Variants in ARHGEF4 observed in about 807,000 individuals in gnomAD.
ARHGEF4 encodes the protein APC-stimulated guanine nucleotide exchange factor 1.
Under a neutral mutation model 162.0 loss-of-function variants are expected in ARHGEF4, and 119 were observed. The observed-to-expected ratio is 0.73, with a 90% confidence interval of 0.63 to 0.86. The LOEUF (loss-of-function observed/expected upper bound fraction) is 0.86. ARHGEF4 is among the 40% of genes least tolerant of loss of function. The probability of loss-of-function intolerance (pLI) is 0.00; values close to 1 mark genes in which losing one functional copy is unlikely to be tolerated. For synonymous variants in ARHGEF4, 1,014 were observed against 979.9 expected, an observed-to-expected ratio of 1.03 and a Z score of -0.65; for missense variants, 2,488 against 2,456.0, an observed-to-expected ratio of 1.01 and a Z score of -0.28.
intron 1 of ARHGEF4, among the ~76,000 whole-genome samples, chr2:130,913,353 T>A (rs892288913): frequency 6.6e-6 from 1 of 152,216 alleles, no homozygotes; most frequent in Non-Finnish European, 1.5e-5. Context: ...TGCTTGAAAA[T>A]GTATATCTCA....
Position 130,916,936 on chromosome 2 carries a change from G to A in ARHGEF4, c.2990G>A (p.Gly997Asp), listed in dbSNP as rs1459507235. The A allele has an allele frequency of 1.3e-6, 2 of 1,550,704 alleles. No individual in the cohort carries two copies. The highest frequency in any genetic ancestry group is 1.7e-6 in the Non-Finnish European group (2 of 1,147,044). Residue 997 changes from glycine (G) to aspartate (D), a missense_variant, in exon 2 of 14, where the codon GGC (glycine) becomes GAC (aspartate). Transcript: ENST00000409359. ...HCEERAEDKE[G>D]YVFSDHWAPP... is the part of the protein sequence containing the mutation. Reference sequence around the variant, plus strand: ...GAGGAACGGGCGGAGGACAAAGAGGGCTATGTTTTTAGCGATCACTGGGCA... The same window carrying A: ...GAGGAACGGGCGGAGGACAAAGAGGACTATGTTTTTAGCGATCACTGGGCA...
intron 1 of ARHGEF4, among the ~76,000 whole-genome samples, chr2:130,903,964 G>A (rs1680665463): frequency 6.6e-6 from 1 of 152,136 alleles, no homozygotes; most frequent in Non-Finnish European, 1.5e-5. Context: ...CTTTGCTATT[G>A]TGAATAGCAC....
chr2:130,916,090 G>A lies in ARHGEF4; in HGVS notation c.2144G>A (p.Arg715Lys). 6.5e-7 allele frequency: 1 copy of A among 1,550,260 alleles called. No homozygotes were observed. Among genetic ancestry groups the A allele is most frequent in the Non-Finnish European group, 8.7e-7 (1 of 1,146,966 alleles). Residue 715 changes from arginine to lysine, a missense_variant, in exon 2 of 14, where the codon AGA becomes AAA. Around this residue, in one of 6 missense-constraint regions of ARHGEF4, gnomAD observed 1,642 missense variants for 1,481.5 expected, o/e 1.11. Coordinates refer to ENST00000409359, the MANE Select transcript of ARHGEF4 (RefSeq NM_001367493.1). The part of the protein sequence containing the change: ...QRVAQAAELG[R>K]VLVPQAASEE... The stretch of plus-strand genomic sequence containing the variant: ...GTGGCCCAGGCCGCAGAGCTTGGGA[G>A]AGTGCTGGTCCCCCAAGCTGCTTCG...
chr2:131,011,726 C>A, intron 4 of ARHGEF4: 1 of 1,338,126 alleles, frequency 7.5e-7, no homozygotes, highest in Non-Finnish European at 1.0e-6. Context: ...GCTTTGGATG[C>A]TGTGGTAAGG....
At chr2:131,000,168 T>TTTAGTGC (rs1687675617) in intron 4 of ARHGEF4, among the ~76,000 whole-genome samples, 1 of 152,262 alleles carries the variant, frequency 6.6e-6, no homozygotes, top group African/African-American at 2.4e-5. Flanking sequence ...AGGATTAAAC[T>TTTAGTGC]TTTTAAAGTG....
chr2:130,884,840 AACAGTGATGATT>A (rs1349682996), intron 1 of ARHGEF4, among the ~76,000 whole-genome samples: 7 of 152,048 alleles, frequency 4.6e-5, no homozygotes, highest in African/African-American at 1.7e-4. Flanking sequence ...TACGCCATAG[AACAGTGATGATT>A]ACAAGCTGAG....
chr2:130,841,682 T>C lies in ARHGEF4; in HGVS notation c.39+4690T>C, dbSNP rs147951260. On this transcript the variant is annotated intron_variant, in intron 1 of 13. Coordinates refer to ENST00000409359, the MANE Select transcript of ARHGEF4 (RefSeq NM_001367493.1). Reference sequence around the variant, plus strand: ...TCCAAGCTGTTGGTGTTCTCCTTCCTAAATGTTTCTTGGTGCTTCCGGCTG... The same window carrying C: ...TCCAAGCTGTTGGTGTTCTCCTTCCCAAATGTTTCTTGGTGCTTCCGGCTG... Among the ~76,000 whole-genome samples, 482 of 152,342 alleles carry C rather than the reference T, an allele frequency of 3.2e-3. 1 individual carries two copies. Among genetic ancestry groups the C allele is most frequent in the Non-Finnish European group, 4.9e-3 (333 of 68,036 alleles).
At chr2:130,908,859 T>G (rs1327611046) in intron 1 of ARHGEF4, among the ~76,000 whole-genome samples, 1 of 152,102 alleles carries the variant, frequency 6.6e-6, no homozygotes. Flanking sequence ...AATCCAGTTT[T>G]TAAACATGGG....
chr2:131,035,197 T>C (rs1011576518), intron 5 of ARHGEF4: 1 of 1,223,362 alleles, frequency 8.2e-7, no homozygotes, highest in Non-Finnish European at 1.0e-6. Context: ...CGTGGTGGTC[T>C]CCGCCGTGCT....
intron 1 of ARHGEF4, among the ~76,000 whole-genome samples, chr2:130,850,025 T>C (rs1681289946): frequency 6.6e-6 from 1 of 151,754 alleles, no homozygotes; most frequent in Non-Finnish European, 1.5e-5. Flanking sequence ...TAACTGCACA[T>C]GTGGTCTGGG....
At chr2:130,846,426 G>A (rs1008118742) in intron 1 of ARHGEF4, among the ~76,000 whole-genome samples, 34 of 152,148 alleles carry the variant, frequency 2.2e-4, no homozygotes, top group South Asian at 2.1e-4. Context: ...TCCCTGCCCC[G>A]CTTGGCTGTG....
intron 1 of ARHGEF4, among the ~76,000 whole-genome samples, chr2:130,849,040 G>C (rs931330654): frequency 6.6e-6 from 1 of 152,150 alleles, no homozygotes; most frequent in Admixed American, 6.5e-5. Context: ...GAGGACAGCT[G>C]TGGGGACTCC....
intron 4 of ARHGEF4, among the ~76,000 whole-genome samples, chr2:130,986,628 G>C (rs1021619064): frequency 1.3e-5 from 2 of 152,192 alleles, no homozygotes; most frequent in African/African-American, 4.8e-5. Context: ...GGCAGCCAGG[G>C]TGACCACCGG....
In ARHGEF4 at chr2:130,845,335, G is replaced by A. The variant is rs543487360; in HGVS notation, c.39+8343G>A. ...AGCCTGGGCAACATAGGGAGACCCC[G>A]TCTCTACAAAAATGTTTTTAAAAAA... On this transcript the variant is annotated intron_variant, in intron 1 of 13. Coordinates refer to ENST00000409359, the MANE Select transcript of ARHGEF4 (RefSeq NM_001367493.1). Among the ~76,000 whole-genome samples, 28 of 151,544 alleles carry A rather than the reference G, an allele frequency of 1.8e-4. No homozygotes were observed. The East Asian group carries it at 3.4e-3, about 19-fold the overall frequency.
intron 4 of ARHGEF4, among the ~76,000 whole-genome samples, chr2:130,982,540 T>C (rs1156491228): frequency 3.3e-5 from 5 of 152,120 alleles, no homozygotes; most frequent in Admixed American, 3.3e-4. Flanking sequence ...CCCAGATTTT[T>C]TCTTCCTTCT....
intron 4 of ARHGEF4, 55 bp downstream of exon 4, chr2:130,946,690 C>A (rs761077383): frequency 2.5e-6 from 4 of 1,607,986 alleles, no homozygotes; most frequent in Non-Finnish European, 3.4e-6. Flanking sequence ...GCATGAAGGA[C>A]AAGAAGCTAG....
chr2:130,914,541 G>A lies in ARHGEF4; in HGVS notation c.595G>A (p.Gly199Arg), dbSNP rs1574219319. The A allele has an allele frequency of 7.1e-7, 1 of 1,415,916 alleles. No individual in the cohort carries two copies. Among genetic ancestry groups the A allele is most frequent in the Non-Finnish European group, 9.2e-7 (1 of 1,091,310 alleles). 87.7% of individuals were successfully genotyped at this position (1,415,916 alleles called of 1,614,324 possible). ...TDSSGPEPVQGVAVQDLRGLS... is the reference protein window; with the variant it reads ...TDSSGPEPVQRVAVQDLRGLS... ...CAGCAGTGGTCCTGAGCCAGTACAG[G>A]GGGTGGCTGTTCAAGACCTCAGAGG... The change falls in exon 2 of 14, where the codon GGG becomes AGG. Residue 199 changes from glycine to arginine, a missense_variant. Physicochemically the swap from Gly to Arg is moderately radical, Grantham distance 125 (BLOSUM62 -2). Coordinates refer to ENST00000409359, the MANE Select transcript of ARHGEF4 (RefSeq NM_001367493.1).
chr2:131,039,717 C>G, intron 6 of ARHGEF4: 5 of 1,299,046 alleles, frequency 3.8e-6, no homozygotes, highest in Non-Finnish European at 4.9e-6. Context: ...GGAGCAGGCA[C>G]TGGTTCAGGA....
chr2:130,996,755 TCCA>T lies in ARHGEF4; in HGVS notation c.3986-31186_3986-31184del, dbSNP rs1687417547. On this transcript the variant is annotated intron_variant, in intron 4 of 13. Coordinates refer to ENST00000409359, the MANE Select transcript of ARHGEF4 (RefSeq NM_001367493.1). ...TCAGAGTGTGCGCACCAGTATACTC[TCCA>T]CCAACAGCATGAGACGTCCTGCATC... is the stretch of plus-strand genomic sequence containing the variant. Among the ~76,000 whole-genome samples the T allele has an allele frequency of 2.0e-5, 3 of 152,302 alleles. No homozygotes were observed. In the South Asian group the frequency reaches 6.2e-4, roughly 32 times the overall value.
Sources: allele counts gnomAD v4.1 joint callset (sites outside exome capture counted in the v4.1 genomes callset), GRCh38; gene constraint gnomAD v4.1.1; regional missense constraint gnomAD v4.1.1; transcripts MANE v1.5; gene names NCBI Gene and HGNC (gene_info 2026-07-23, HGNC 2026-07-21).